Variants in CFAP61 observed in about 807,000 individuals in gnomAD.
CFAP61 encodes the protein cilia and flagella associated protein 61.
In CFAP61, 107 loss-of-function variants were observed where a neutral mutation model predicts 135.6. The observed-to-expected ratio is 0.79, with a 90% CI of 0.67 to 0.93. CFAP61 has a LOEUF of 0.93. Ranked by LOEUF, CFAP61 falls within the 40% of genes least tolerant of loss-of-function variation. The pLI, the probability that CFAP61 is intolerant of heterozygous loss-of-function variation, is 0.00. For synonymous variants in CFAP61, 575 were observed against 578.5 expected, an observed-to-expected ratio of 0.99 and a Z score of 0.09; for missense variants, 1,507 against 1,556.2, an observed-to-expected ratio of 0.97 and a Z score of 0.53.
intron 9 of CFAP61, among the ~76,000 whole-genome samples, chr20:20,158,731 G>T (rs1569028261): frequency 6.6e-6 from 1 of 152,196 alleles, no homozygotes; most frequent in African/African-American, 2.4e-5. Context: ...ATTTGCCTGT[G>T]GTTGGCAGAG....
intron 13 of CFAP61, among the ~76,000 whole-genome samples, chr20:20,187,585 A>G (rs1016916177): frequency 1.3e-5 from 2 of 152,210 alleles, no homozygotes; most frequent in Non-Finnish European, 2.9e-5. Context: ...CCCTGGTGCA[A>G]TGTGACTTCT....
intron 8 of CFAP61, among the ~76,000 whole-genome samples, chr20:20,108,453 T>C (rs1238449207): frequency 3.3e-5 from 5 of 151,992 alleles, no homozygotes; most frequent in Non-Finnish European, 2.9e-5. Context: ...ATCCCTTAGA[T>C]AGATATGCAG....
intron 9 of CFAP61, among the ~76,000 whole-genome samples, chr20:20,156,883 G>T (rs572131861): frequency 6.6e-6 from 1 of 152,166 alleles, no homozygotes; most frequent in Non-Finnish European, 1.5e-5. Flanking sequence ...TTCTATGTTC[G>T]TGGGATATTG....
intron 17 of CFAP61, among the ~76,000 whole-genome samples, chr20:20,204,070 A>G (rs1156674515): frequency 1.3e-5 from 2 of 152,198 alleles, no homozygotes; most frequent in Admixed American, 6.5e-5. Flanking sequence ...CTCAATGTCA[A>G]TAGTTGCTCC....
At chr20:20,058,102 CAATTGA>C (rs1299122620) in intron 2 of CFAP61, among the ~76,000 whole-genome samples, 1 of 152,102 alleles carries the variant, frequency 6.6e-6, no homozygotes. Context: ...ATATCAAATA[CAATTGA>C]AATGTTTAAG....
chr20:20,347,214 G>A (rs1304617429), intron 26 of CFAP61, among the ~76,000 whole-genome samples: 1 of 152,094 alleles, frequency 6.6e-6, no homozygotes, highest in Non-Finnish European at 1.5e-5. Flanking sequence ...TGAAAACTAA[G>A]ATACAACATA....
intron 25 of CFAP61, among the ~76,000 whole-genome samples, chr20:20,325,322 C>T (rs2057703042): frequency 1.3e-5 from 2 of 152,220 alleles, no homozygotes; most frequent in Middle Eastern, 3.4e-3. Flanking sequence ...TGACATGTAC[C>T]CACCTTACAG....
At chr20:20,311,981 T>C (rs551372752) in intron 25 of CFAP61, among the ~76,000 whole-genome samples, 1 of 152,192 alleles carries the variant, frequency 6.6e-6, no homozygotes, top group Non-Finnish European at 1.5e-5. Flanking sequence ...ATTGCTGCAG[T>C]CCGACTTAAT....
chr20:20,080,188 A>G (rs930952641), intron 6 of CFAP61, among the ~76,000 whole-genome samples: 1 of 152,142 alleles, frequency 6.6e-6, no homozygotes, highest in African/African-American at 2.4e-5. Flanking sequence ...TTTTCTGTGT[A>G]TGTAACTATA....
chr20:20,280,484 G>A (rs943403489), intron 22 of CFAP61, among the ~76,000 whole-genome samples: 2 of 152,114 alleles, frequency 1.3e-5, no homozygotes, highest in East Asian at 3.9e-4. Flanking sequence ...CACAGTGTAT[G>A]TACCTACTAA....
chr20:20,159,510 C>A, intron 10 of CFAP61, 66 bp downstream of exon 10: 1 of 1,382,820 alleles, frequency 7.2e-7, no homozygotes, highest in Non-Finnish European at 1.0e-6. Context: ...CTTTCTACCT[C>A]AGAGGATTTG....
intron 9 of CFAP61, among the ~76,000 whole-genome samples, chr20:20,147,348 T>C (rs906371094): frequency 1.3e-5 from 2 of 152,252 alleles, no homozygotes; most frequent in African/African-American, 4.8e-5. Context: ...GTTGTACTAA[T>C]TTACATTCCC....
intron 18 of CFAP61, among the ~76,000 whole-genome samples, chr20:20,238,580 A>C (rs1024682652): frequency 8.5e-5 from 13 of 152,392 alleles, no homozygotes; most frequent in African/African-American, 1.4e-4. Context: ...CGCACAGCAC[A>C]CACAAAATCA....
At chr20:20,209,972 C>T (rs566984421) in intron 17 of CFAP61, among the ~76,000 whole-genome samples, 1 of 152,290 alleles carries the variant, frequency 6.6e-6, no homozygotes, top group East Asian at 1.9e-4. Flanking sequence ...ATCCCATCCT[C>T]ACAGCCTTGA....
At chr20:20,144,219 C>T (rs2051667437) in intron 9 of CFAP61, among the ~76,000 whole-genome samples, 1 of 152,044 alleles carries the variant, frequency 6.6e-6, no homozygotes, top group South Asian at 2.1e-4. Flanking sequence ...TACCAGCACT[C>T]ACAAAACTGG....
chr20:20,118,301 C>CT (rs144639913), intron 8 of CFAP61, among the ~76,000 whole-genome samples: 35 of 108,018 alleles, frequency 3.2e-4, no homozygotes, highest in African/African-American at 7.5e-4. Context: ...TTCTTTCTTT[C>CT]TTTCTTTTCT....
chr20:20,180,495 A>C (rs1285094953), intron 13 of CFAP61, among the ~76,000 whole-genome samples: 2 of 152,200 alleles, frequency 1.3e-5, no homozygotes, highest in African/African-American at 2.4e-5. Context: ...CAGAATGGCT[A>C]TTACAAAAAA....
At chr20:20,239,125 C>T (rs2049828503) in intron 18 of CFAP61, among the ~76,000 whole-genome samples, 1 of 152,124 alleles carries the variant, frequency 6.6e-6, no homozygotes, top group Admixed American at 6.5e-5. Flanking sequence ...GCAAGCTGTA[C>T]TCCGTGACCC....
chr20:20,090,845 G>T lies in CFAP61; in HGVS notation c.568G>T (p.Val190Leu), dbSNP rs1246566068. 1.9e-6 allele frequency: 3 copies of T among 1,614,124 alleles called. No homozygotes were observed. The highest frequency in any genetic ancestry group is 2.2e-5 in the East Asian group (1 of 44,878). The change falls in exon 7 of 27, where the codon GTG becomes TTG. Residue 190 changes from valine (V) to leucine (L), a missense_variant and splice_region_variant. Transcript: ENST00000245957. ...YPQLHVRKAR[V>L]EDHDDLMPIF... ...AACTTCAGCCTTTCTATTAAACAGGGTGGAAGACCATGACGATCTCATGCC... is the reference window on the plus strand; with the variant it reads ...AACTTCAGCCTTTCTATTAAACAGGTTGGAAGACCATGACGATCTCATGCC...
Sources: gnomAD v4.1 joint callset for allele counts (sites outside exome capture counted in the v4.1 genomes callset) on GRCh38, gnomAD v4.1.1 for gene constraint, MANE v1.5 for transcripts, NCBI Gene and HGNC (gene_info 2026-07-23, HGNC 2026-07-21) for gene names.